Variants in VPS13B observed in about 807,000 individuals in gnomAD.
The protein encoded by VPS13B is intermembrane lipid transfer protein VPS13B.
VPS13B carries 285 observed loss-of-function variants against 426.4 expected under a neutral mutation model. That is an observed-to-expected ratio of 0.67 (90% CI 0.61 to 0.74). The LOEUF (loss-of-function observed/expected upper bound fraction) is 0.74. VPS13B is among the 30% of genes least tolerant of loss of function. VPS13B has a pLI of 0.00. For missense variants in VPS13B, 4,537 were observed against 4,782.6 expected (o/e 0.95, Z 1.51); for synonymous variants, 1,676 against 1,676.4 (o/e 1.00, Z 0.01).
At chr8:99,224,956 A>T (rs1815930714) in intron 17 of VPS13B, among the ~76,000 whole-genome samples, 1 of 152,180 alleles carries the variant, frequency 6.6e-6, no homozygotes, top group Non-Finnish European at 1.5e-5. Flanking sequence ...AGAATTATGT[A>T]CATGTTGCCT....
chr8:99,042,253 A>T (rs1427886751), intron 3 of VPS13B, among the ~76,000 whole-genome samples: 1 of 152,172 alleles, frequency 6.6e-6, no homozygotes, highest in East Asian at 1.9e-4. Context: ...TTATGTATAT[A>T]TTCTTACCAT....
chr8:99,606,835 G>A (rs1161044243), intron 33 of VPS13B, among the ~76,000 whole-genome samples: 2 of 152,032 alleles, frequency 1.3e-5, no homozygotes, highest in African/African-American at 2.4e-5. Context: ...TATGGCTTAT[G>A]GTATTCTTCC....
intron 21 of VPS13B, among the ~76,000 whole-genome samples, chr8:99,393,171 T>G (rs1412167398): frequency 6.6e-6 from 1 of 152,058 alleles, no homozygotes; most frequent in Non-Finnish European, 1.5e-5. Flanking sequence ...ATGCTTATAA[T>G]GTAAATGAAA....
intron 35 of VPS13B, among the ~76,000 whole-genome samples, chr8:99,677,544 T>C (rs1830988730): frequency 1.3e-5 from 2 of 152,208 alleles, no homozygotes; most frequent in African/African-American, 4.8e-5. Flanking sequence ...GTTTTTCAAC[T>C]ATAACTTTTA....
intron 21 of VPS13B, among the ~76,000 whole-genome samples, chr8:99,420,848 G>A (rs1210098015): frequency 6.6e-6 from 1 of 152,132 alleles, no homozygotes; most frequent in Non-Finnish European, 1.5e-5. Context: ...GACATTTAAG[G>A]TAGAACTAAA....
chr8:99,545,343 G>T (rs1305842633), intron 30 of VPS13B, among the ~76,000 whole-genome samples: 2 of 152,084 alleles, frequency 1.3e-5, no homozygotes, highest in African/African-American at 4.8e-5. Flanking sequence ...CTAGTAGAAT[G>T]TCCTGTGATA....
At chr8:99,571,692 A>G (rs1160772035) in intron 31 of VPS13B, among the ~76,000 whole-genome samples, 1 of 152,142 alleles carries the variant, frequency 6.6e-6, no homozygotes, top group Non-Finnish European at 1.5e-5. Context: ...CTATGAGAGC[A>G]CATCAGATGT....
chr8:99,431,099 T>C (rs1817084339), intron 21 of VPS13B, among the ~76,000 whole-genome samples: 1 of 152,352 alleles, frequency 6.6e-6, no homozygotes, highest in East Asian at 1.9e-4. Flanking sequence ...GATAATTTTC[T>C]ATCAATTTTG....
chr8:99,693,764 T>G (rs1303983984), intron 35 of VPS13B, among the ~76,000 whole-genome samples: 1 of 147,538 alleles, frequency 6.8e-6, no homozygotes, highest in African/African-American at 2.5e-5. Flanking sequence ...TTGTCCCTGT[T>G]TGCAGACGAC....
At chr8:99,658,692 T>G (rs961509976) in intron 34 of VPS13B, among the ~76,000 whole-genome samples, 2 of 152,238 alleles carry the variant, frequency 1.3e-5, no homozygotes, top group African/African-American at 2.4e-5. Flanking sequence ...CATACACATT[T>G]AAAATCAGTT....
rs1818279087 is a variant in VPS13B at position 99,453,139 on chromosome 8, T to C, written c.3445+10504T>C. 2.6e-5 allele frequency among the ~76,000 whole-genome samples: 4 copies of C among 152,234 alleles called. No homozygotes were observed. In the South Asian group the frequency reaches 8.3e-4, roughly 31 times the overall value. ...TGATGTGAAAATTATTTAGCATCTA[T>C]GAAAAACACAGGGGCTGCTTTTCTA... On this transcript the variant is annotated intron_variant, in intron 23 of 61. Coordinates refer to ENST00000357162, the MANE Select transcript of VPS13B (RefSeq NM_152564.5).
chr8:99,516,344 G>T (rs1470581452), intron 29 of VPS13B, among the ~76,000 whole-genome samples: 1 of 151,908 alleles, frequency 6.6e-6, no homozygotes, highest in Non-Finnish European at 1.5e-5. Context: ...GCTATAATGT[G>T]GACTGTGGAA....
chr8:99,358,037 A>C (rs1041875275), intron 19 of VPS13B, among the ~76,000 whole-genome samples: 4 of 126,386 alleles, frequency 3.2e-5, no homozygotes, highest in Admixed American at 2.3e-4. Context: ...CACACACACC[A>C]CACACACTTA....
intron 21 of VPS13B, chr8:99,429,591 G>A (rs75561533): frequency 0.014 from 2,191 of 152,130 alleles, 22 homozygotes; most frequent in Middle Eastern, 0.024. Flanking sequence ...CAGTCTCTCA[G>A]TCCTAATACC....
chr8:99,510,974 T>C, intron 28 of VPS13B, 130 bp from the exon 29 acceptor site: 1 of 956,264 alleles, frequency 1.0e-6, no homozygotes, highest in Non-Finnish European at 1.6e-6. Context: ...TGATCAGTCA[T>C]GTGTTTATTA....
chr8:99,064,791 C>T (rs1009350312), intron 3 of VPS13B, among the ~76,000 whole-genome samples: 13 of 151,880 alleles, frequency 8.6e-5, no homozygotes, highest in Non-Finnish European at 1.6e-4. Context: ...AGAGCAACTC[C>T]AAGACACATA....
intron 19 of VPS13B, among the ~76,000 whole-genome samples, chr8:99,303,279 A>AAAAC (rs60507228): frequency 6.8e-6 from 1 of 147,558 alleles, no homozygotes. Flanking sequence ...AAAAAAAAAA[A>AAAAC]GGAAAACAAC....
chr8:99,504,708 A>G (rs897661032), intron 27 of VPS13B, among the ~76,000 whole-genome samples: 1 of 152,190 alleles, frequency 6.6e-6, no homozygotes, highest in African/African-American at 2.4e-5. Flanking sequence ...AGAAGAGTAG[A>G]TTTAACAAAA....
At chr8:99,411,278 A>C (rs1361933205) in intron 21 of VPS13B, among the ~76,000 whole-genome samples, 1 of 152,118 alleles carries the variant, frequency 6.6e-6, no homozygotes, top group Non-Finnish European at 1.5e-5. Flanking sequence ...ATGGTATCTC[A>C]TTGTGGTTTT....
Sources: gnomAD v4.1 joint callset for allele counts (sites outside exome capture counted in the v4.1 genomes callset) on GRCh38, gnomAD v4.1.1 for gene constraint, MANE v1.5 for transcripts, NCBI Gene and HGNC (gene_info 2026-07-23, HGNC 2026-07-21) for gene names.